The following SORCS2 variants were observed in gnomAD, a reference collection of about 807,000 sequenced individuals.
SORCS2 encodes the protein sortilin related VPS10 domain containing receptor 2.
SORCS2 carries 100 observed loss-of-function variants against 141.6 expected under a neutral mutation model. The ratio of observed to expected loss-of-function variants is 0.71; its 90% CI spans 0.60 to 0.83. The LOEUF (loss-of-function observed/expected upper bound fraction) is 0.83, where lower values mean the gene tolerates loss of function less well. SORCS2 is among the 40% of genes least tolerant of loss of function. SORCS2 has a pLI of 0.00. For synonymous variants in SORCS2, 789 were observed against 676.9 expected (o/e 1.17, Z -2.57); for missense variants, 1,646 against 1,560.2 (o/e 1.05, Z -0.93).
intron 2 of SORCS2, among the ~76,000 whole-genome samples, chr4:7,399,478 G>A (rs1051171551): frequency 2.2e-4 from 34 of 152,014 alleles, no homozygotes; most frequent in East Asian, 9.7e-4. Context: ...TGCATTTGAC[G>A]GGCCGCATGT....
intron 2 of SORCS2, among the ~76,000 whole-genome samples, chr4:7,448,228 G>C (rs957620201): frequency 6.6e-6 from 1 of 152,132 alleles, no homozygotes; most frequent in African/African-American, 2.4e-5. Flanking sequence ...AGTGGCCGGA[G>C]TGTGGCGCCT....
chr4:7,484,628 C>T (rs1364322263), intron 2 of SORCS2, among the ~76,000 whole-genome samples: 1 of 152,176 alleles, frequency 6.6e-6, no homozygotes, highest in African/African-American at 2.4e-5. Context: ...AGCAATTCCT[C>T]TCCTTTCTAA....
chr4:7,738,467 C>A (rs1330704136), intron 26 of SORCS2, among the ~76,000 whole-genome samples: 1 of 152,198 alleles, frequency 6.6e-6, no homozygotes, highest in Admixed American at 6.5e-5. Flanking sequence ...CCCCAGGGAC[C>A]CGGCGTCTCC....
chr4:7,603,402 G>A (rs552426630), intron 3 of SORCS2, among the ~76,000 whole-genome samples: 156 of 152,214 alleles, frequency 1.0e-3, no homozygotes, highest in African/African-American at 3.6e-3. Flanking sequence ...GATTTTCTCC[G>A]TCTGTTTTCT....
chr4:7,262,732 C>T (rs577017071), intron 1 of SORCS2, among the ~76,000 whole-genome samples: 1 of 152,298 alleles, frequency 6.6e-6, no homozygotes, highest in African/African-American at 2.4e-5. Flanking sequence ...GAACACTGGG[C>T]ACACTGACAC....
At chr4:7,597,962 CTTT>C (rs902858065) in intron 3 of SORCS2, among the ~76,000 whole-genome samples, 1,242 of 91,460 alleles carry the variant, frequency 0.014, 26 homozygotes, top group African/African-American at 0.049. Flanking sequence ...TTCAGCTAAT[CTTT>C]TTTTTTTTTT....
At chr4:7,628,693 T>G (rs1313285291) in intron 3 of SORCS2, among the ~76,000 whole-genome samples, 13 of 151,548 alleles carry the variant, frequency 8.6e-5, no homozygotes, top group Non-Finnish European at 1.6e-4. Flanking sequence ...GGCCAGGAAG[T>G]GAGCACAATA....
rs1340932151 is a variant in SORCS2, at chr4:7,454,793, G to C, written c.548+58438G>C. Reference sequence around the variant, plus strand: ...GGGTCAGTGCTGTGTGTTGGGGTCTGGTGCTGTGTTGGGGTCAGGCACTGT... The same window carrying C: ...GGGTCAGTGCTGTGTGTTGGGGTCTCGTGCTGTGTTGGGGTCAGGCACTGT... On this transcript the variant is annotated intron_variant, in intron 2 of 26. Coordinates refer to ENST00000507866, the MANE Select transcript of SORCS2 (RefSeq NM_020777.3). 5.3e-5 allele frequency among the ~76,000 whole-genome samples: 7 copies of C among 131,838 alleles called. No homozygotes were observed. In the Admixed American group the frequency reaches 5.3e-4, roughly 10 times the overall value. 86.5% of individuals were successfully genotyped at this position (131,838 alleles called of 152,430 possible). A position where few individuals can be genotyped will look rare whatever the true frequency, so the allele number is the denominator to read the frequency against.
chr4:7,483,950 G>C (rs1206982422), intron 2 of SORCS2, among the ~76,000 whole-genome samples: 1 of 152,142 alleles, frequency 6.6e-6, no homozygotes, highest in Admixed American at 6.5e-5. Context: ...AAACAAAAAC[G>C]AGTCTTTCAG....
chr4:7,307,698 G>T (rs1047132462), intron 1 of SORCS2, among the ~76,000 whole-genome samples: 2 of 152,226 alleles, frequency 1.3e-5, no homozygotes, highest in Non-Finnish European at 2.9e-5. Context: ...GGAGAACAGG[G>T]CTTCAATGGG....
chr4:7,439,645 A>C (rs912748990), intron 2 of SORCS2, among the ~76,000 whole-genome samples: 1 of 152,208 alleles, frequency 6.6e-6, no homozygotes, highest in African/African-American at 2.4e-5. Context: ...GTGGAGTTGA[A>C]CAGGAGGGAA....
intron 2 of SORCS2, among the ~76,000 whole-genome samples, chr4:7,454,121 A>T (rs1489611583): frequency 1.9e-4 from 11 of 58,768 alleles, no homozygotes; most frequent in South Asian, 6.7e-4. Flanking sequence ...GGGGTCAGGC[A>T]CTGTGTTGGG....
intron 2 of SORCS2, among the ~76,000 whole-genome samples, chr4:7,405,900 A>T (rs886754180): frequency 9.2e-5 from 14 of 152,140 alleles, no homozygotes; most frequent in Non-Finnish European, 1.8e-4. Flanking sequence ...GAAAGTGAGC[A>T]TCTTGGTCTC....
intron 4 of SORCS2, among the ~76,000 whole-genome samples, chr4:7,645,264 C>A (rs1720997464): frequency 6.6e-6 from 1 of 152,128 alleles, no homozygotes; most frequent in African/African-American, 2.4e-5. Context: ...TAGAGGTGAC[C>A]AACCATCCTT....
intron 1 of SORCS2, among the ~76,000 whole-genome samples, chr4:7,299,827 C>T (rs1048606020): frequency 2.0e-5 from 3 of 152,174 alleles, no homozygotes; most frequent in Non-Finnish European, 4.4e-5. Context: ...TCTGTGTTCC[C>T]ATCTTACCGT....
intron 1 of SORCS2, among the ~76,000 whole-genome samples, chr4:7,347,039 AATTAT>A (rs569999614): frequency 3.1e-4 from 47 of 152,344 alleles, no homozygotes; most frequent in Middle Eastern, 3.4e-3. Context: ...CATATCTATG[AATTAT>A]ATTAATAATG....
intron 14 of SORCS2, among the ~76,000 whole-genome samples, chr4:7,704,769 T>C (rs28494991): frequency 0.32 from 47,908 of 152,088 alleles, 7,992 homozygotes; most frequent in African/African-American, 0.39. Flanking sequence ...CTTAGGACAG[T>C]GGGGACATGC....
chr4:7,725,411 T>C, intron 20 of SORCS2, 124 bp downstream of exon 20: 1 of 1,363,072 alleles, frequency 7.3e-7, no homozygotes, highest in Non-Finnish European at 9.7e-7. Context: ...CTCCTCACCC[T>C]TGGGCCCCTC....
In SORCS2 at chr4:7,676,113, A is replaced by T; in HGVS notation, c.1225A>T (p.Met409Leu). 1 of 1,585,212 alleles carries T rather than the reference A, an allele frequency of 6.3e-7. No individual in the cohort carries two copies. The highest frequency in any genetic ancestry group is 8.6e-7 in the Non-Finnish European group (1 of 1,164,204). The change falls in exon 9 of 27, where the codon ATG becomes TTG. Residue 409 changes from methionine to leucine, a missense_variant. Met to Leu is a conservative substitution (Grantham distance 15). Transcript: ENST00000507866. Reference protein sequence around the residue: ...VFVAVQEWYQMDTYNLYQSDP... With the variant: ...VFVAVQEWYQLDTYNLYQSDP... ...CGTGGCGGTGCAGGAGTGGTACCAGATGGACACCTACAACCTGTACCAGTC... is the reference window on the plus strand; with the variant it reads ...CGTGGCGGTGCAGGAGTGGTACCAGTTGGACACCTACAACCTGTACCAGTC...
Sources: allele counts gnomAD v4.1 joint callset (sites outside exome capture counted in the v4.1 genomes callset), GRCh38; gene constraint gnomAD v4.1.1; transcripts MANE v1.5; gene names NCBI Gene and HGNC (gene_info 2026-07-23, HGNC 2026-07-21).